TTC39B: variants seen among roughly 807,000 people sequenced by gnomAD.
TTC39B encodes tetratricopeptide repeat protein 39B.
A neutral mutation model predicts 96.6 loss-of-function variants in TTC39B; 92 were observed. The ratio of observed to expected loss-of-function variants is 0.95; its 90% CI spans 0.80 to 1.13. The LOEUF is 1.13. Ranked by LOEUF, TTC39B falls within the 50% of genes most tolerant of loss-of-function variation. The pLI, the probability that TTC39B is intolerant of heterozygous loss-of-function variation, is 0.00. For synonymous variants in TTC39B, 367 were observed against 299.4 expected, an observed-to-expected ratio of 1.23 and a Z score of -2.33; for missense variants, 955 against 809.3, an observed-to-expected ratio of 1.18 and a Z score of -2.18.
intron 1 of TTC39B, among the ~76,000 whole-genome samples, chr9:15,281,471 A>G (rs57671582): frequency 0.041 from 6,234 of 151,962 alleles, 362 homozygotes; most frequent in African/African-American, 0.14. Flanking sequence ...ATCTATCCTT[A>G]TAGGTAATTT....
chr9:15,211,148 T>A, intron 5 of TTC39B, 118 bp downstream of exon 5: 1 of 1,221,358 alleles, frequency 8.2e-7, no homozygotes, highest in Admixed American at 3.1e-5. Context: ...TGAATTTCTT[T>A]TCTGTAACTG....
At position 15,279,395 on chromosome 9, in the gene TTC39B, G is replaced by T. The variant is rs117614852; in HGVS notation, c.241-11447C>A. Among the ~76,000 whole-genome samples, 529 of 152,306 alleles carry T rather than the reference G, an allele frequency of 3.5e-3. 1 individual carries two copies. Among genetic ancestry groups the T allele is most frequent in the Non-Finnish European group, 5.8e-3 (393 of 68,028 alleles). On this transcript the variant is annotated intron_variant, in intron 1 of 19. Coordinates refer to ENST00000512701, the Ensembl canonical transcript of TTC39B. ...TCCCAAAGAGTAAGGCTTCAAAGAT[G>T]ATCTCAAACTGAGAAATCCTATAAT...
At chr9:15,302,727 C>T (rs925112531) in intron 1 of TTC39B, among the ~76,000 whole-genome samples, 10 of 151,722 alleles carry the variant, frequency 6.6e-5, no homozygotes, top group African/African-American at 2.4e-4. Flanking sequence ...GCCTGTAATC[C>T]AAGCTACTCG....
At chr9:15,191,975 G>A (rs975360698) in intron 9 of TTC39B, among the ~76,000 whole-genome samples, 3 of 152,128 alleles carry the variant, frequency 2.0e-5, no homozygotes, top group Admixed American at 6.5e-5. Flanking sequence ...TAGCAGAAGA[G>A]GATTTTAACA....
chr9:15,173,075 A>G (rs1422242400), intron 19 of TTC39B, among the ~76,000 whole-genome samples: 2 of 152,106 alleles, frequency 1.3e-5, no homozygotes, highest in Non-Finnish European at 2.9e-5. Context: ...GAGTTAGTGG[A>G]GGCTTTTCAT....
chr9:15,218,635 A>AAAATATATATATATATATAT (rs374054306), intron 3 of TTC39B, among the ~76,000 whole-genome samples: 2,776 of 149,382 alleles, frequency 0.019, 43 homozygotes, highest in Non-Finnish European at 0.021. Context: ...GTCTATTTTA[A>AAAATATATATATATATATAT]ATATATATAT....
chr9:15,244,158 C>T (rs1383937363), intron 2 of TTC39B, among the ~76,000 whole-genome samples: 1 of 152,254 alleles, frequency 6.6e-6, no homozygotes. Flanking sequence ...ATAGGCACAG[C>T]TCCTGTTTCA....
chr9:15,232,890 G>T (rs1474117118), intron 2 of TTC39B, among the ~76,000 whole-genome samples: 5 of 152,210 alleles, frequency 3.3e-5, no homozygotes, highest in African/African-American at 1.2e-4. Flanking sequence ...ACTGGCTGCT[G>T]CAGGGCCAGT....
chr9:15,176,038 T>C (rs1003222015), intron 18 of TTC39B, among the ~76,000 whole-genome samples: 3 of 152,170 alleles, frequency 2.0e-5, no homozygotes, highest in African/African-American at 4.8e-5. Context: ...CCTGCCCACA[T>C]TGAATGTGCA....
chr9:15,193,886 A>T (rs1819001134), intron 8 of TTC39B, among the ~76,000 whole-genome samples: 2 of 152,248 alleles, frequency 1.3e-5, no homozygotes, highest in Non-Finnish European at 2.9e-5. Flanking sequence ...TGTCAACATC[A>T]TTAAAGACAA....
rs536370888 is a variant in TTC39B at position 15,287,077 on chromosome 9, G to A, written c.241-19129C>T. Reference sequence around the variant, plus strand: ...TCTAATTCTTTTTCATTCCAAAATGGACTTTATTAAAATGAGGATATTGGG... The same window carrying A: ...TCTAATTCTTTTTCATTCCAAAATGAACTTTATTAAAATGAGGATATTGGG... On this transcript the variant is annotated intron_variant, in intron 1 of 19. Transcript: ENST00000512701. Among the ~76,000 whole-genome samples the A allele has an allele frequency of 2.6e-5, 4 of 152,210 alleles. No homozygotes were observed. The South Asian group carries it at 8.3e-4, about 32-fold the overall frequency.
At chr9:15,234,921 A>G (rs1305657822) in intron 2 of TTC39B, among the ~76,000 whole-genome samples, 1 of 151,808 alleles carries the variant, frequency 6.6e-6, no homozygotes, top group Non-Finnish European at 1.5e-5. Context: ...CTGCCTAGGA[A>G]AACCAGAGAC....
intron 3 of TTC39B, among the ~76,000 whole-genome samples, chr9:15,224,084 C>T (rs1362916047): frequency 6.6e-6 from 1 of 152,170 alleles, no homozygotes; most frequent in African/African-American, 2.4e-5. Flanking sequence ...TGCTTTCTCT[C>T]CTAACACACC....
At chr9:15,208,370 A>G (rs1182184136) in intron 6 of TTC39B, among the ~76,000 whole-genome samples, 3 of 152,054 alleles carry the variant, frequency 2.0e-5, no homozygotes, top group Non-Finnish European at 2.9e-5. Context: ...CATGTCATTC[A>G]TGCCAAAATG....
chr9:15,186,409 C>G (rs1427210630), intron 15 of TTC39B, among the ~76,000 whole-genome samples: 1 of 152,274 alleles, frequency 6.6e-6, no homozygotes, highest in African/African-American at 2.4e-5. Context: ...ATTGTTAGAA[C>G]TCTCATTATC....
At position 15,174,763 on chromosome 9, in the gene TTC39B, A is replaced by G. The variant is rs1452498898; in HGVS notation, c.1958+256T>C. ...TGGCCAACCCCTGATATAGAATAAA[A>G]TAAGTTAGAAATCTTTCAAATAGAT... On this transcript the variant is annotated intron_variant, in intron 19 of 19. Transcript: ENST00000512701. 6.6e-5 allele frequency among the ~76,000 whole-genome samples: 10 copies of G among 152,338 alleles called. No homozygotes were observed. The East Asian group carries it at 1.9e-3, about 29-fold the overall frequency.
chr9:15,231,469 T>C (rs1821418228), intron 2 of TTC39B, among the ~76,000 whole-genome samples: 1 of 152,242 alleles, frequency 6.6e-6, no homozygotes, highest in African/African-American at 2.4e-5. Context: ...GAATCTTTTT[T>C]AAGTACTTAA....
chr9:15,281,347 A>T (rs904036985), intron 1 of TTC39B, among the ~76,000 whole-genome samples: 1 of 152,170 alleles, frequency 6.6e-6, no homozygotes, highest in Non-Finnish European at 1.5e-5. Flanking sequence ...TATTCACAGT[A>T]AGTACGAAAT....
rs1159523308 is a variant in TTC39B at position 15,187,967 on chromosome 9, T to C, written c.1395+4A>G. Reference sequence around the variant, plus strand: ...ATGACATTAATGAAAGTATTGCACTTTACCTTGGACCATTTACTCTCTTTG... The same window carrying C: ...ATGACATTAATGAAAGTATTGCACTCTACCTTGGACCATTTACTCTCTTTG... On this transcript the variant is annotated splice_donor_region_variant and intron_variant, in intron 14 of 19. Transcript: ENST00000512701. 1.3e-6 allele frequency: 2 copies of C among 1,566,202 alleles called. No homozygotes were observed. Among genetic ancestry groups the C allele is most frequent in the African/African-American group, 2.8e-5 (2 of 72,502 alleles).
Sources: allele counts gnomAD v4.1 joint callset (sites outside exome capture counted in the v4.1 genomes callset), GRCh38; gene constraint gnomAD v4.1.1; transcripts MANE v1.5; gene names NCBI Gene and HGNC (gene_info 2026-07-23, HGNC 2026-07-21).